Variants in FARP1 observed in about 807,000 individuals in gnomAD.
FARP1 encodes FERM, ARH/RhoGEF and pleckstrin domain protein 1.
In FARP1, 52 loss-of-function variants were observed where a neutral mutation model predicts 128.8. The ratio of observed to expected loss-of-function variants is 0.40; its 90% CI spans 0.32 to 0.51. The LOEUF is 0.51. Ranked by LOEUF, FARP1 falls within the 20% of genes least tolerant of loss-of-function variation. FARP1 has a pLI of 0.45. For missense variants in FARP1, 1,333 were observed against 1,367.9 expected (o/e 0.97, Z 0.40); for synonymous variants, 580 against 551.8 (o/e 1.05, Z -0.72).
chr13:98,331,242 G>A (rs1040796612), intron 2 of FARP1, among the ~76,000 whole-genome samples: 4 of 152,094 alleles, frequency 2.6e-5, no homozygotes, highest in Non-Finnish European at 4.4e-5. Context: ...GTATACTTTT[G>A]TTATATGCTT....
intron 1 of FARP1, among the ~76,000 whole-genome samples, chr13:98,181,661 A>AGAGT (rs138526104): frequency 1.3e-5 from 2 of 148,550 alleles, no homozygotes; most frequent in East Asian, 2.0e-4. Context: ...AGAGAGAGAG[A>AGAGT]GTCTCACTGT....
chr13:98,218,607 G>A (rs1049520395), intron 2 of FARP1, among the ~76,000 whole-genome samples: 31 of 152,170 alleles, frequency 2.0e-4, no homozygotes, highest in South Asian at 1.7e-3. Context: ...AGTGGGTACC[G>A]TGTGTCTACT....
rs750761160 is a variant in FARP1 at position 98,176,827 on chromosome 13, G to A, written c.-24+33335G>A. On this transcript the variant is annotated intron_variant, in intron 1 of 26. Transcript: ENST00000319562. The surrounding 1 kb of genome is among the most constrained non-coding windows in gnomAD (Gnocchi z 6.2). ...GTGGTCGTGCTCCCGACCCCGCAGT[G>A]CCTCCTGGACCCGCTGGCTGCACTT... is the stretch of plus-strand genomic sequence containing the variant. 1 of 1,612,572 alleles carries A rather than the reference G, an allele frequency of 6.2e-7. No homozygotes were observed. The highest frequency in any genetic ancestry group is 1.1e-5 in the South Asian group (1 of 91,062).
intron 2 of FARP1, among the ~76,000 whole-genome samples, chr13:98,313,999 C>G (rs1294035009): frequency 6.6e-6 from 1 of 152,174 alleles, no homozygotes; most frequent in African/African-American, 2.4e-5. Flanking sequence ...GGCAGGTTGC[C>G]AAGGCTGCCC....
rs538550242 is a variant in FARP1 at position 98,446,465 on chromosome 13, A to G, written c.2905-201A>G. 3.2e-5 allele frequency: 20 copies of G among 618,516 alleles called. No individual in the cohort carries two copies. In the African/African-American group the frequency reaches 3.5e-4, roughly 11 times the overall value. The allele number at this position is 618,516 out of a possible 1,614,324, so 38.3% of individuals were successfully genotyped here. A position where few individuals can be genotyped will look rare whatever the true frequency, so the allele number is the denominator to read the frequency against. ...TGGACAAGGGACGGGGGTTGGCTTT[A>G]TCTACAGCTCAGTCCTGGCGGGACT... is the stretch of plus-strand genomic sequence containing the variant. On this transcript the variant is annotated intron_variant, in intron 25 of 26. Coordinates refer to ENST00000319562, the MANE Select transcript of FARP1 (RefSeq NM_005766.4).
intron 1 of FARP1, among the ~76,000 whole-genome samples, chr13:98,175,032 G>A (rs1877903180): frequency 6.6e-6 from 1 of 152,134 alleles, no homozygotes; most frequent in Admixed American, 6.5e-5. Context: ...GCCGAAGTTC[G>A]CTCTGCCGCA....
chr13:98,374,284 C>G (rs2139998153), intron 5 of FARP1, among the ~76,000 whole-genome samples: 2 of 152,220 alleles, frequency 1.3e-5, no homozygotes, highest in East Asian at 3.9e-4. Context: ...ATTAGCTGGG[C>G]ATGGTGGTGT....
chr13:98,405,919 A>G (rs955939366), intron 13 of FARP1: 1 of 152,268 alleles, frequency 6.6e-6, no homozygotes, highest in African/African-American at 2.4e-5. Context: ...CAGGTGACAG[A>G]CTGCAAGGTG....
In FARP1 at chr13:98,451,382, T is replaced by G. The variant is rs555691293; in HGVS notation, c.*3065T>G. ...CCAATTTTATTATTCAACATAACAT[T>G]CTTGTATGGAGTAATGAGTACAATA... On this transcript the variant is annotated 3_prime_UTR_variant, in exon 27 of 27. Coordinates refer to ENST00000319562, the MANE Select transcript of FARP1 (RefSeq NM_005766.4). The G allele has an allele frequency of 3.3e-5, 5 of 152,306 alleles. No homozygotes were observed. In the East Asian group the frequency reaches 9.6e-4, roughly 29 times the overall value. The allele number at this position is 152,306 out of a possible 1,614,324, so 9.4% of individuals were successfully genotyped here. A position where few individuals can be genotyped will look rare whatever the true frequency, so the allele number is the denominator to read the frequency against.
chr13:98,420,590 C>T (rs943226684), intron 16 of FARP1, among the ~76,000 whole-genome samples: 1 of 152,186 alleles, frequency 6.6e-6, no homozygotes, highest in Non-Finnish European at 1.5e-5. Flanking sequence ...AATCACATTG[C>T]ACAGGTCAGA....
intron 2 of FARP1, among the ~76,000 whole-genome samples, chr13:98,241,942 C>A (rs1287939151): frequency 6.6e-6 from 1 of 152,030 alleles, no homozygotes; most frequent in Non-Finnish European, 1.5e-5. Context: ...ACAACAACAA[C>A]AAAACTTAAA....
intron 1 of FARP1, among the ~76,000 whole-genome samples, chr13:98,166,004 G>A (rs1877242572): frequency 6.6e-6 from 1 of 152,058 alleles, no homozygotes; most frequent in Non-Finnish European, 1.5e-5. Flanking sequence ...ACAGGTGTGA[G>A]CCACTGCGCC....
At chr13:98,389,028 G>A (rs1003926038) in intron 9 of FARP1, among the ~76,000 whole-genome samples, 5 of 152,260 alleles carry the variant, frequency 3.3e-5, no homozygotes, top group African/African-American at 4.8e-5. Context: ...AAATGGCGAC[G>A]GAGGAGGTGG....
intron 2 of FARP1, among the ~76,000 whole-genome samples, chr13:98,341,415 C>T (rs181399091): frequency 2.6e-5 from 4 of 152,226 alleles, no homozygotes; most frequent in East Asian, 1.9e-4. Context: ...AGGCCGATTA[C>T]GAGGTCAGGA....
At chr13:98,269,620 C>T (rs936680004) in intron 2 of FARP1, among the ~76,000 whole-genome samples, 1 of 152,236 alleles carries the variant, frequency 6.6e-6, no homozygotes, top group African/African-American at 2.4e-5. Flanking sequence ...TTGTCCCACT[C>T]TTGGGTCAAC....
At position 98,442,649 on chromosome 13, in the gene FARP1, G is replaced by A. The variant is rs556657835; in HGVS notation, c.2796+1813G>A. 6.6e-4 allele frequency among the ~76,000 whole-genome samples: 101 copies of A among 152,306 alleles called. No individual in the cohort carries two copies. The South Asian group carries it at 0.013, about 20-fold the overall frequency. ...CACCAGGCCTGTGCGCAAAGCTTGCGGGTCTGAGACTTCTCCCAGGGGATG... is the reference window on the plus strand; with the variant it reads ...CACCAGGCCTGTGCGCAAAGCTTGCAGGTCTGAGACTTCTCCCAGGGGATG... On this transcript the variant is annotated intron_variant, in intron 24 of 26. Coordinates refer to ENST00000319562, the MANE Select transcript of FARP1 (RefSeq NM_005766.4).
At chr13:98,373,190 G>A (rs1889423840) in intron 5 of FARP1, among the ~76,000 whole-genome samples, 1 of 152,156 alleles carries the variant, frequency 6.6e-6, no homozygotes, top group South Asian at 2.1e-4. Flanking sequence ...CAGCCCATGT[G>A]TGATTGTCAC....
At chr13:98,250,087 G>A (rs1434862738) in intron 2 of FARP1, among the ~76,000 whole-genome samples, 3 of 152,170 alleles carry the variant, frequency 2.0e-5, no homozygotes, top group East Asian at 1.9e-4. Context: ...AAATTTACTC[G>A]TGAGATTCAC....
At chr13:98,377,785 T>A in intron 5 of FARP1, 36 bp from the exon 6 acceptor site, 13 of 1,545,318 alleles carry the variant, frequency 8.4e-6, no homozygotes, top group Non-Finnish European at 1.2e-5. Flanking sequence ...CCTCCTGCCC[T>A]CTTTGCCTGA....
Sources: gnomAD v4.1 joint callset for allele counts (sites outside exome capture counted in the v4.1 genomes callset) on GRCh38, gnomAD v4.1.1 for gene constraint, Gnocchi (gnomAD v3.1) non-coding constraint, MANE v1.5 for transcripts, NCBI Gene and HGNC (gene_info 2026-07-23, HGNC 2026-07-21) for gene names.